The following QTMAN variants were observed in gnomAD, a reference collection of about 807,000 sequenced individuals.
QTMAN encodes queuosine-tRNA mannosyltransferase.
chr2:143,939,003 G>A, the QTMAN span: 5 of 152,366 alleles, frequency 3.3e-5, no homozygotes, highest in African/African-American at 9.6e-5. Context: ...CAGGGAAGTA[G>A]ATTAGCAGAT....
chr2:144,287,352 G>A, the QTMAN span, among the ~76,000 whole-genome samples: 3 of 151,550 alleles, frequency 2.0e-5, no homozygotes, highest in Admixed American at 6.6e-5. Flanking sequence ...GGAGAATGGC[G>A]TGAACCCGGG....
the QTMAN span, among the ~76,000 whole-genome samples, chr2:143,991,105 A>C: frequency 6.6e-6 from 1 of 152,122 alleles, no homozygotes; most frequent in African/African-American, 2.4e-5. Context: ...ATATGAAAAA[A>C]AGCTTAAAAA....
the QTMAN span, among the ~76,000 whole-genome samples, chr2:144,135,736 G>C: frequency 6.6e-6 from 1 of 152,078 alleles, no homozygotes; most frequent in Non-Finnish European, 1.5e-5. Flanking sequence ...GTTTCTCTTT[G>C]TGAGACAGGT....
the QTMAN span, among the ~76,000 whole-genome samples, chr2:144,024,701 A>C: frequency 1.9e-4 from 29 of 152,312 alleles, no homozygotes; most frequent in African/African-American, 6.5e-4. Context: ...GTATTATTAG[A>C]TATATTGAAT....
chr2:144,258,314 A>T, the QTMAN span, among the ~76,000 whole-genome samples: 2 of 152,092 alleles, frequency 1.3e-5, no homozygotes, highest in Admixed American at 6.6e-5. Context: ...TAGGGAGAAG[A>T]AAGGAAATAC....
chr2:144,108,543 C>T, the QTMAN span, among the ~76,000 whole-genome samples: 2 of 150,502 alleles, frequency 1.3e-5, no homozygotes, highest in African/African-American at 5.0e-5. Flanking sequence ...GAGGCTGAGG[C>T]AGGAGAATAG....
chr2:144,097,281 A>G, the QTMAN span, among the ~76,000 whole-genome samples: 1 of 152,208 alleles, frequency 6.6e-6, no homozygotes, highest in African/African-American at 2.4e-5. Context: ...AAGCATTTCA[A>G]AAATATTTAT....
At chr2:144,290,809 A>T in the QTMAN span, among the ~76,000 whole-genome samples, 11 of 152,026 alleles carry the variant, frequency 7.2e-5, no homozygotes, top group Non-Finnish European at 1.6e-4. Context: ...TTTCCTGACC[A>T]CCCTATTTAA....
At chr2:143,989,015 T>A in the QTMAN span, among the ~76,000 whole-genome samples, 1 of 152,108 alleles carries the variant, frequency 6.6e-6, no homozygotes, top group Non-Finnish European at 1.5e-5. Flanking sequence ...GAGTGTGGCT[T>A]GCTTTTGCTA....
the QTMAN span, among the ~76,000 whole-genome samples, chr2:144,185,957 A>G: frequency 3.3e-5 from 5 of 152,240 alleles, no homozygotes; most frequent in Non-Finnish European, 7.3e-5. Context: ...CAGGCAGGCA[A>G]TGTATGTTTG....
At chr2:143,957,922 C>T in the QTMAN span, among the ~76,000 whole-genome samples, 2 of 152,032 alleles carry the variant, frequency 1.3e-5, no homozygotes, top group Admixed American at 6.6e-5. Context: ...GACAATGCCA[C>T]GGGAGGTCTT....
chr2:144,295,678 C>T, the QTMAN span, among the ~76,000 whole-genome samples: 2 of 152,218 alleles, frequency 1.3e-5, no homozygotes, highest in South Asian at 4.1e-4. Flanking sequence ...AGTGGCAAGA[C>T]TGTGGCTCAC....
the QTMAN span, among the ~76,000 whole-genome samples, chr2:144,153,048 GACT>G: frequency 2.0e-5 from 3 of 152,224 alleles, no homozygotes; most frequent in African/African-American, 4.8e-5. Flanking sequence ...GAGTTCTCGG[GACT>G]AAAAGGATCA....
At chr2:144,058,170 A>G in the QTMAN span, among the ~76,000 whole-genome samples, 2 of 141,362 alleles carry the variant, frequency 1.4e-5, no homozygotes, top group East Asian at 4.3e-4. Flanking sequence ...ACACACACAC[A>G]AAGAAACTTT....
At chr2:144,236,468 A>G in the QTMAN span, among the ~76,000 whole-genome samples, 1 of 152,064 alleles carries the variant, frequency 6.6e-6, no homozygotes, top group African/African-American at 2.4e-5. Flanking sequence ...AGGATTCCTA[A>G]GAATATCAAT....
At chr2:144,156,134 T>G in the QTMAN span, among the ~76,000 whole-genome samples, 1 of 152,180 alleles carries the variant, frequency 6.6e-6, no homozygotes, top group Non-Finnish European at 1.5e-5. Flanking sequence ...TTACTCGTTT[T>G]ATCATTTGAT....
At chr2:144,310,044 T>C in the QTMAN span, among the ~76,000 whole-genome samples, 2 of 1,526 alleles carry the variant, frequency 1.3e-3, no homozygotes, top group Admixed American at 0.014. Context: ...AAGCAAAATA[T>C]ACGTAAGTTC....
the QTMAN span, chr2:143,970,787 A>C: frequency 2.5e-6 from 3 of 1,219,074 alleles, no homozygotes; most frequent in South Asian, 1.2e-5. Flanking sequence ...ACAAAATATA[A>C]CTTGTGTTAC....
At chr2:144,284,583 A>C in the QTMAN span, among the ~76,000 whole-genome samples, 1 of 152,190 alleles carries the variant, frequency 6.6e-6, no homozygotes, top group Non-Finnish European at 1.5e-5. Flanking sequence ...CATGTATGTC[A>C]CTTCTACAAT....
Sources: gnomAD v4.1 joint callset for allele counts (sites outside exome capture counted in the v4.1 genomes callset) on GRCh38, gnomAD v4.1.1 for gene constraint, MANE v1.5 for transcripts, NCBI Gene and HGNC (gene_info 2026-07-23, HGNC 2026-07-21) for gene names.